FSTL4: variants seen among roughly 807,000 people sequenced by gnomAD.
The protein encoded by FSTL4 is follistatin-related protein 4.
FSTL4 carries 28 observed loss-of-function variants against 78.2 expected under a neutral mutation model. The observed-to-expected ratio is 0.36, with a 90% CI of 0.27 to 0.49. FSTL4 has a LOEUF of 0.49. Among genes scored for constraint, FSTL4 ranks in the 20% least tolerant of loss-of-function variants. FSTL4 has a pLI of 0.98. For missense variants in FSTL4, 922 were observed against 1,084.9 expected, an observed-to-expected ratio of 0.85 and a Z score of 2.11; for synonymous variants, 422 against 440.5, an observed-to-expected ratio of 0.96 and a Z score of 0.53.
intron 6 of FSTL4, among the ~76,000 whole-genome samples, chr5:133,290,818 C>T (rs777679948): frequency 6.6e-6 from 1 of 152,234 alleles, no homozygotes; most frequent in Non-Finnish European, 1.5e-5. Flanking sequence ...CTTTGGCCCG[C>T]GGTCCCTCGC....
At chr5:133,743,606 T>C in the FSTL4 span, among the ~76,000 whole-genome samples, 14 of 152,240 alleles carry the variant, frequency 9.2e-5, no homozygotes, top group African/African-American at 2.7e-4. Context: ...GATTAACATA[T>C]TGTCTTCTCT....
intron 3 of FSTL4, among the ~76,000 whole-genome samples, chr5:133,560,183 A>C (rs1019908511): frequency 4.6e-5 from 7 of 152,124 alleles, no homozygotes; most frequent in Non-Finnish European, 8.8e-5. Context: ...CTTGGGGAGG[A>C]TTTACATACC....
chr5:133,322,996 T>C (rs1561672014), intron 4 of FSTL4, among the ~76,000 whole-genome samples: 1 of 152,166 alleles, frequency 6.6e-6, no homozygotes, highest in Non-Finnish European at 1.5e-5. Context: ...GAAATGCTTG[T>C]TGAATGAGAG....
At chr5:133,744,798 TTAGAG>T in the FSTL4 span, among the ~76,000 whole-genome samples, 1 of 152,308 alleles carries the variant, frequency 6.6e-6, no homozygotes, top group Non-Finnish European at 1.5e-5. Flanking sequence ...AACAATTTCC[TTAGAG>T]TATTTTAAAG....
the FSTL4 span, among the ~76,000 whole-genome samples, chr5:133,721,323 C>G: frequency 3.9e-5 from 6 of 152,200 alleles, no homozygotes; most frequent in African/African-American, 1.4e-4. Context: ...TATACACCAG[C>G]GGTATTATAG....
rs543952548 is a variant in FSTL4 at position 133,272,577 on chromosome 5, C to A, written c.728-23001G>T. 3.3e-4 allele frequency among the ~76,000 whole-genome samples: 51 copies of A among 152,344 alleles called. 1 individual carries two copies. The highest frequency in any genetic ancestry group is 1.2e-3 in the African/African-American group (49 of 41,576). On this transcript the variant is annotated intron_variant, in intron 6 of 15. Coordinates refer to ENST00000265342, the MANE Select transcript of FSTL4 (RefSeq NM_015082.2). ...ATCTTTTAATCATCCTAATATTCTT[C>A]TTATTGCAACATATTACTAAGCTGT...
intron 4 of FSTL4, among the ~76,000 whole-genome samples, chr5:133,324,433 ACTCT>A (rs1441392684): frequency 6.6e-6 from 1 of 151,960 alleles, no homozygotes; most frequent in Non-Finnish European, 1.5e-5. Context: ...GCCCCGTCCT[ACTCT>A]CTCACTGCAA....
At chr5:133,665,202 C>T in the FSTL4 span, among the ~76,000 whole-genome samples, 1 of 152,208 alleles carries the variant, frequency 6.6e-6, no homozygotes, top group Non-Finnish European at 1.5e-5. Flanking sequence ...AGGATAGACT[C>T]TGCCATGCTG....
intron 2 of FSTL4, among the ~76,000 whole-genome samples, chr5:133,568,239 C>T (rs148511912): frequency 1.3e-4 from 20 of 152,194 alleles, no homozygotes; most frequent in East Asian, 9.6e-4. Context: ...TCATCATAAA[C>T]GACATGTTTT....
chr5:133,475,349 T>G (rs1757907495), intron 3 of FSTL4, among the ~76,000 whole-genome samples: 1 of 152,170 alleles, frequency 6.6e-6, no homozygotes, highest in African/African-American at 2.4e-5. Flanking sequence ...CAAAGATGCT[T>G]TCACAAAGGC....
At chr5:133,423,887 C>T (rs1251329477) in intron 3 of FSTL4, among the ~76,000 whole-genome samples, 2 of 152,172 alleles carry the variant, frequency 1.3e-5, no homozygotes, top group Admixed American at 6.5e-5. Flanking sequence ...TGGGTGTGCA[C>T]GTGCCAGGAC....
At chr5:133,274,380 C>CTTTTTTTTTT (rs59634629) in intron 6 of FSTL4, among the ~76,000 whole-genome samples, 4,941 of 70,876 alleles carry the variant, frequency 0.07, 1,293 homozygotes, top group African/African-American at 0.26. Context: ...GCAATCTGTG[C>CTTTTTTTTTT]TTTTTTTTTT....
At chr5:133,461,930 T>G (rs1315459110) in intron 3 of FSTL4, among the ~76,000 whole-genome samples, 1 of 152,292 alleles carries the variant, frequency 6.6e-6, no homozygotes, top group East Asian at 1.9e-4. Flanking sequence ...TCAGCAAGGA[T>G]GAGACAAGCT....
the FSTL4 span, among the ~76,000 whole-genome samples, chr5:133,695,039 A>G: frequency 6.6e-6 from 1 of 152,154 alleles, no homozygotes; most frequent in African/African-American, 2.4e-5. Context: ...TTGTGGCATC[A>G]GATGAGGGCT....
intron 6 of FSTL4, among the ~76,000 whole-genome samples, chr5:133,268,711 G>A (rs905638174): frequency 6.6e-6 from 1 of 152,176 alleles, no homozygotes; most frequent in Non-Finnish European, 1.5e-5. Context: ...GTCACTTTTG[G>A]AAGAGTTGTC....
intron 3 of FSTL4, among the ~76,000 whole-genome samples, chr5:133,442,004 A>G (rs964618940): frequency 6.6e-6 from 1 of 152,178 alleles, no homozygotes; most frequent in Admixed American, 6.5e-5. Flanking sequence ...GCTGGTAGGG[A>G]CAGCCCCTGT....
chr5:133,773,677 G>T, the FSTL4 span, among the ~76,000 whole-genome samples: 1 of 152,242 alleles, frequency 6.6e-6, no homozygotes, highest in South Asian at 2.1e-4. Context: ...GTTCCTGCGT[G>T]CTTCATCTTC....
chr5:133,768,866 G>A, the FSTL4 span, among the ~76,000 whole-genome samples: 1 of 152,206 alleles, frequency 6.6e-6, no homozygotes, highest in Non-Finnish European at 1.5e-5. Flanking sequence ...CACTGCTGGG[G>A]TACCTTGATG....
chr5:133,377,993 T>C lies in FSTL4; in HGVS notation c.409+22745A>G, dbSNP rs541277990. ...AGCCAGCAGACAGTGGAATGACATA[T>C]TCAATGTGCTAAAAAACAAAACTGT... On this transcript the variant is annotated intron_variant, in intron 4 of 15. Coordinates refer to ENST00000265342, the MANE Select transcript of FSTL4 (RefSeq NM_015082.2). Among the ~76,000 whole-genome samples, 17 of 152,248 alleles carry C rather than the reference T, an allele frequency of 1.1e-4. No homozygotes were observed. The East Asian group carries it at 3.1e-3, about 28-fold the overall frequency.
Sources: allele counts gnomAD v4.1 joint callset (sites outside exome capture counted in the v4.1 genomes callset), GRCh38; gene constraint gnomAD v4.1.1; transcripts MANE v1.5; gene names NCBI Gene and HGNC (gene_info 2026-07-23, HGNC 2026-07-21).